The following SENP7 variants were observed in gnomAD, a reference collection of about 807,000 sequenced individuals.
The protein encoded by SENP7 is SUMO specific peptidase 7.
In SENP7, 64 loss-of-function variants were observed where a neutral mutation model predicts 141.2. That is an observed-to-expected ratio of 0.45 (90% CI 0.37 to 0.56). SENP7 has a LOEUF of 0.56. Ranked by LOEUF, SENP7 falls within the 20% of genes least tolerant of loss-of-function variation. The probability of loss-of-function intolerance (pLI) is 0.00; values close to 1 mark genes in which losing one functional copy is unlikely to be tolerated. For synonymous variants in SENP7, 382 were observed against 426.4 expected (o/e 0.90, Z 1.28); for missense variants, 1,025 against 1,212.2 (o/e 0.85, Z 2.29).
At chr3:101,368,268 T>C (rs2060089411) in intron 7 of SENP7, among the ~76,000 whole-genome samples, 1 of 152,020 alleles carries the variant, frequency 6.6e-6, no homozygotes, top group Non-Finnish European at 1.5e-5. Flanking sequence ...ATATCCTTTT[T>C]CATAGTAGCC....
At chr3:101,393,798 T>A (rs1056401938) in intron 6 of SENP7, among the ~76,000 whole-genome samples, 4 of 152,084 alleles carry the variant, frequency 2.6e-5, no homozygotes, top group African/African-American at 9.7e-5. Context: ...TAGAAAAGTG[T>A]AAGAGGAAGC....
intron 6 of SENP7, among the ~76,000 whole-genome samples, chr3:101,396,748 C>T (rs2060978152): frequency 3.3e-5 from 5 of 152,094 alleles, no homozygotes; most frequent in Admixed American, 2.6e-4. Flanking sequence ...AGACACAATA[C>T]CTCTTCTTCT....
intron 5 of SENP7, chr3:101,414,638 C>A (rs565754131): frequency 3.9e-6 from 6 of 1,532,154 alleles, no homozygotes; most frequent in African/African-American, 1.4e-5. Context: ...AAATAAAAGT[C>A]TTTGCCAGTG....
intron 3 of SENP7, among the ~76,000 whole-genome samples, chr3:101,489,444 C>T (rs904942506): frequency 6.6e-6 from 1 of 151,792 alleles, no homozygotes; most frequent in African/African-American, 2.4e-5. Context: ...TTCACAGGCT[C>T]AAAGTAAAGG....
chr3:101,458,021 A>C (rs182869439), intron 4 of SENP7, among the ~76,000 whole-genome samples: 2 of 152,280 alleles, frequency 1.3e-5, no homozygotes, highest in East Asian at 3.9e-4. Flanking sequence ...TATTTATGTA[A>C]ATCTTTTTGG....
chr3:101,452,382 A>C (rs2063175515), intron 4 of SENP7, among the ~76,000 whole-genome samples: 1 of 152,218 alleles, frequency 6.6e-6, no homozygotes, highest in Admixed American at 6.5e-5. Context: ...TTCATATGGA[A>C]CCAAAAAAGA....
intron 1 of SENP7, among the ~76,000 whole-genome samples, chr3:101,502,116 C>T (rs1446686495): frequency 2.6e-5 from 4 of 152,156 alleles, no homozygotes; most frequent in Admixed American, 6.5e-5. Flanking sequence ...CAAATGAAAA[C>T]GTTAATAAAC....
chr3:101,497,911 T>C (rs200915016), intron 2 of SENP7, among the ~76,000 whole-genome samples: 3 of 152,324 alleles, frequency 2.0e-5, no homozygotes, highest in East Asian at 3.9e-4. Context: ...CAAACGATCT[T>C]CCTATGTCAG....
rs553811358 is a variant in SENP7 at position 101,406,205 on chromosome 3, T to C, written c.483-7150A>G. ...AAGCCAAATGTCCATCAAAGATAGA[T>C]TGGATTAAAAAATGTGGCACATATA... On this transcript the variant is annotated intron_variant, in intron 5 of 23. Transcript: ENST00000394095. 9.9e-5 allele frequency among the ~76,000 whole-genome samples: 15 copies of C among 152,202 alleles called. No individual in the cohort carries two copies. The South Asian group carries it at 2.5e-3, about 25-fold the overall frequency.
intron 13 of SENP7, among the ~76,000 whole-genome samples, chr3:101,346,433 A>G (rs1430148511): frequency 6.6e-6 from 1 of 152,238 alleles, no homozygotes; most frequent in African/African-American, 2.4e-5. Context: ...AAAGGAAGTC[A>G]ATATACAAAA....
chr3:101,484,123 T>C (rs1350891866), intron 3 of SENP7, among the ~76,000 whole-genome samples: 1 of 152,160 alleles, frequency 6.6e-6, no homozygotes, highest in Non-Finnish European at 1.5e-5. Context: ...TCTAGATGAC[T>C]TTGAGTCTAT....
chr3:101,351,747 C>G (rs947638974), intron 11 of SENP7, 96 bp from the exon 12 acceptor site: 1 of 945,712 alleles, frequency 1.1e-6, no homozygotes, highest in Non-Finnish European at 1.4e-6. Flanking sequence ...TATTCAAAGT[C>G]TACATTATAA....
chr3:101,387,402 G>A (rs956151827), intron 6 of SENP7, among the ~76,000 whole-genome samples: 2 of 152,282 alleles, frequency 1.3e-5, no homozygotes, highest in African/African-American at 2.4e-5. Context: ...GCACCCAAGT[G>A]CACTGTCAAC....
At chr3:101,512,954 A>G (rs1038974340) in intron 1 of SENP7, 137 bp downstream of exon 1, 2 of 922,570 alleles carry the variant, frequency 2.2e-6, no homozygotes, top group Non-Finnish European at 3.5e-6. Flanking sequence ...GGAGCCTTCC[A>G]TTGTGCGCGC....
chr3:101,331,979 T>A lies in SENP7; in HGVS notation c.2698+6A>T, dbSNP rs1478958838. 6.2e-7 allele frequency: 1 copy of A among 1,612,580 alleles called. No homozygotes were observed. The highest frequency in any genetic ancestry group is 1.1e-5 in the South Asian group (1 of 90,926). On this transcript the variant is annotated splice_donor_region_variant and intron_variant, in intron 19 of 23. Transcript: ENST00000394095. The stretch of plus-strand genomic sequence containing the variant: ...TTAAAAACACCATCTACGTTATGGA[T>A]GTCACCTATTGTTTTGTTGTCATTT...
At chr3:101,429,331 A>C (rs2062075366) in intron 4 of SENP7, among the ~76,000 whole-genome samples, 1 of 152,084 alleles carries the variant, frequency 6.6e-6, no homozygotes, top group African/African-American at 2.4e-5. Flanking sequence ...ATGAGCATGG[A>C]ATGTTTTTCC....
intron 6 of SENP7, among the ~76,000 whole-genome samples, chr3:101,388,124 A>G (rs1247180879): frequency 1.3e-5 from 2 of 152,114 alleles, no homozygotes; most frequent in Admixed American, 6.5e-5. Flanking sequence ...ACACATCACA[A>G]AAGTCTATGA....
intron 2 of SENP7, among the ~76,000 whole-genome samples, chr3:101,495,696 T>C (rs1044587853): frequency 2.6e-5 from 4 of 152,104 alleles, no homozygotes; most frequent in Non-Finnish European, 5.9e-5. Context: ...GGGAGCTGAA[T>C]GATGAGAACA....
At chr3:101,349,288 T>C (rs1185161205) in intron 12 of SENP7, among the ~76,000 whole-genome samples, 9 of 152,196 alleles carry the variant, frequency 5.9e-5, no homozygotes, top group Non-Finnish European at 8.8e-5. Context: ...CTCAGAATGC[T>C]ACTCAGCATT....
Sources: gnomAD v4.1 joint callset for allele counts (sites outside exome capture counted in the v4.1 genomes callset) on GRCh38, gnomAD v4.1.1 for gene constraint, MANE v1.5 for transcripts, NCBI Gene and HGNC (gene_info 2026-07-23, HGNC 2026-07-21) for gene names.